The following LIMA1 variants were observed in gnomAD, a reference collection of about 807,000 sequenced individuals.
The protein encoded by LIMA1 is LIM domain and actin-binding protein 1.
Under a neutral mutation model 62.6 loss-of-function variants are expected in LIMA1, and 52 were observed. The ratio of observed to expected loss-of-function variants is 0.83; its 90% CI spans 0.67 to 1.05. The LOEUF (loss-of-function observed/expected upper bound fraction) is 1.05, where lower values mean the gene tolerates loss of function less well. Among genes scored for constraint, LIMA1 ranks in the 50% least tolerant of loss-of-function variants. The probability of loss-of-function intolerance (pLI) is 0.00; values close to 1 mark genes in which losing one functional copy is unlikely to be tolerated. For synonymous variants in LIMA1, 302 were observed against 317.8 expected (o/e 0.95, Z 0.53); for missense variants, 780 against 902.2 (o/e 0.86, Z 1.74).
chr12:50,195,785 A>G (rs1443553781), intron 8 of LIMA1, 45 bp downstream of exon 8: 1 of 1,567,086 alleles, frequency 6.4e-7, no homozygotes, highest in Non-Finnish European at 8.6e-7. Context: ...AAATACAGAT[A>G]GAAAACAAGA....
In LIMA1 at chr12:50,280,163, T is replaced by TTTG. The variant is rs1942322704; in HGVS notation, c.-24+3256_-24+3257insCAA. ...AGTAGTATTTTTTTTTTTTTTTTTT[T>TTTG]TTTTTTTTTGAGACGGAGTCTCACT... On this transcript the variant is annotated intron_variant, in intron 1 of 10. Coordinates refer to ENST00000341247, the MANE Select transcript of LIMA1 (RefSeq NM_016357.5). 2.9e-5 allele frequency among the ~76,000 whole-genome samples: 4 copies of TTTG among 137,260 alleles called. No homozygotes were observed. The South Asian group carries it at 1.0e-3, about 35-fold the overall frequency. 90.0% of individuals were successfully genotyped at this position (137,260 alleles called of 152,430 possible). A position where few individuals can be genotyped will look rare whatever the true frequency, so the allele number is the denominator to read the frequency against.
intron 9 of LIMA1, chr12:50,190,069 G>C (rs1270187148): frequency 7.6e-6 from 1 of 131,874 alleles, no homozygotes; most frequent in Non-Finnish European, 1.5e-5. Context: ...ACAGGCTGGA[G>C]AGCAGTGGTG....
rs2138359324 is a variant in LIMA1, at chr12:50,176,352, C to G, written c.*712G>C. On this transcript the variant is annotated 3_prime_UTR_variant, in exon 11 of 11. Transcript: ENST00000341247. ...GCAATCATTTGGAGTACAGTAAATT[C>G]ACTGGCAGATACAAAAGCTTATTTG... is the stretch of plus-strand genomic sequence containing the variant. 6.6e-6 allele frequency: 1 copy of G among 152,310 alleles called. No homozygotes were observed. The highest frequency in any genetic ancestry group is 1.9e-4 in the East Asian group (1 of 5,190). 9.4% of individuals were successfully genotyped at this position (152,310 alleles called of 1,614,324 possible). A position where few individuals can be genotyped will look rare whatever the true frequency, so the allele number is the denominator to read the frequency against.
intron 3 of LIMA1, among the ~76,000 whole-genome samples, chr12:50,227,863 T>C (rs1425529289): frequency 6.6e-6 from 1 of 151,330 alleles, no homozygotes; most frequent in Non-Finnish European, 1.5e-5. Flanking sequence ...TTTCTTTTTT[T>C]TTTTTTTGAG....
chr12:50,215,595 G>A (rs547785300), intron 4 of LIMA1, among the ~76,000 whole-genome samples: 1 of 151,796 alleles, frequency 6.6e-6, no homozygotes, highest in African/African-American at 2.4e-5. Context: ...TCAGCCTTCC[G>A]AGTAGCTGGG....
At chr12:50,259,964 T>G (rs1942043979) in intron 1 of LIMA1, among the ~76,000 whole-genome samples, 1 of 152,152 alleles carries the variant, frequency 6.6e-6, no homozygotes, top group Admixed American at 6.5e-5. Flanking sequence ...CACTTTTCTC[T>G]TTTCTTGCAG....
intron 9 of LIMA1, among the ~76,000 whole-genome samples, chr12:50,191,804 AGAGC>A (rs1241329816): frequency 6.6e-6 from 1 of 152,094 alleles, no homozygotes; most frequent in Non-Finnish European, 1.5e-5. Flanking sequence ...CCTGGGCGAC[AGAGC>A]GAGACTCTGT....
At chr12:50,282,513 T>A (rs1318589847) in intron 1 of LIMA1, among the ~76,000 whole-genome samples, 2 of 152,214 alleles carry the variant, frequency 1.3e-5, no homozygotes, top group South Asian at 2.1e-4. Context: ...GGCAGACTTA[T>A]CTTTTATTTT....
intron 1 of LIMA1, among the ~76,000 whole-genome samples, chr12:50,282,157 C>T (rs1203664095): frequency 1.3e-5 from 2 of 152,122 alleles, no homozygotes; most frequent in Admixed American, 1.3e-4. Flanking sequence ...GAAGATCTAT[C>T]TAAAACGTGA....
intron 4 of LIMA1, chr12:50,217,818 C>A: frequency 3.4e-6 from 1 of 290,572 alleles, no homozygotes; most frequent in East Asian, 1.1e-4. Flanking sequence ...CTGGGAAGTA[C>A]ACAGGCATCT....
At chr12:50,232,362 CTTTCTTT>C (rs1030766111) in intron 2 of LIMA1, among the ~76,000 whole-genome samples, 1 of 150,008 alleles carries the variant, frequency 6.7e-6, no homozygotes, top group Non-Finnish European at 1.5e-5. Flanking sequence ...AGCCCGGCTA[CTTTCTTT>C]TTTCTTTTTT....
rs765270308 is a variant in LIMA1 at position 50,182,043 on chromosome 12, A to G, written c.1141-6T>C. ...CTTGCAGGTGCCTGAAACTTCTAGG[A>G]AAAACAAAAAGACAACTTTAGCATG... On this transcript the variant is annotated splice_polypyrimidine_tract_variant and splice_region_variant and intron_variant, in intron 9 of 10. Coordinates refer to ENST00000341247, the MANE Select transcript of LIMA1 (RefSeq NM_016357.5). 1 of 1,612,376 alleles carries G rather than the reference A, an allele frequency of 6.2e-7. No homozygotes were observed. Among genetic ancestry groups the G allele is most frequent in the Non-Finnish European group, 8.5e-7 (1 of 1,179,934 alleles).
At chr12:50,230,867 G>A (rs535798520) in intron 3 of LIMA1, among the ~76,000 whole-genome samples, 3 of 152,260 alleles carry the variant, frequency 2.0e-5, no homozygotes, top group South Asian at 4.1e-4. Flanking sequence ...GTGAGCCACC[G>A]CACCCGGCCA....
chr12:50,266,644 G>C (rs1214096108), intron 1 of LIMA1, among the ~76,000 whole-genome samples: 1 of 152,180 alleles, frequency 6.6e-6, no homozygotes, highest in Non-Finnish European at 1.5e-5. Flanking sequence ...TAAATTCCTA[G>C]AAGGAGCATT....
chr12:50,200,893 TA>T lies in LIMA1; in HGVS notation c.865-10del. On this transcript the variant is annotated splice_polypyrimidine_tract_variant and intron_variant, in intron 6 of 10. Transcript: ENST00000341247. ...CTGGCTTTCAGCTCATTCTACAAAA[TA>T]AAAATAACTGTAAAAATTTTTTTAA... The T allele has an allele frequency of 3.1e-6, 5 of 1,610,796 alleles. No homozygotes were observed. Among genetic ancestry groups the T allele is most frequent in the Non-Finnish European group, 2.5e-6 (3 of 1,179,174 alleles).
At chr12:50,232,912 A>C (rs1470380017) in intron 2 of LIMA1, among the ~76,000 whole-genome samples, 2 of 152,336 alleles carry the variant, frequency 1.3e-5, no homozygotes, top group South Asian at 4.1e-4. Context: ...GCCTCAACCC[A>C]GGAGGCGGAG....
Position 50,209,439 on chromosome 12 carries a change from C to T in LIMA1, c.631-3371G>A, listed in dbSNP as rs539795388. 5.3e-5 allele frequency among the ~76,000 whole-genome samples: 8 copies of T among 151,558 alleles called. No individual in the cohort carries two copies. The East Asian group carries it at 5.9e-4, about 11-fold the overall frequency. ...ACAAAAATTAGCTGGGGTGGCGGTG[C>T]GCACCTGTAATCTCAGCTACTCAGG... On this transcript the variant is annotated intron_variant, in intron 4 of 10. Transcript: ENST00000341247.
At chr12:50,226,909 C>CTT (rs57111000) in intron 3 of LIMA1, among the ~76,000 whole-genome samples, 1 of 134,266 alleles carries the variant, frequency 7.4e-6, no homozygotes, top group Non-Finnish European at 1.6e-5. Flanking sequence ...AATTCTTTTT[C>CTT]TTTTTTTTTT....
At chr12:50,195,422 A>G (rs573461364) in intron 8 of LIMA1, among the ~76,000 whole-genome samples, 1 of 152,192 alleles carries the variant, frequency 6.6e-6, no homozygotes, top group African/African-American at 2.4e-5. Flanking sequence ...GGGAAAAAAT[A>G]TGTATCTTTA....
Sources: gnomAD v4.1 joint callset for allele counts (sites outside exome capture counted in the v4.1 genomes callset) on GRCh38, gnomAD v4.1.1 for gene constraint, MANE v1.5 for transcripts, NCBI Gene and HGNC (gene_info 2026-07-23, HGNC 2026-07-21) for gene names.